The following LARP1 variants were observed in gnomAD, a reference collection of about 807,000 sequenced individuals.
The protein encoded by LARP1 is la-related protein 1.
In LARP1, 36 loss-of-function variants were observed where a neutral mutation model predicts 122.7. The ratio of observed to expected loss-of-function variants is 0.29; its 90% CI spans 0.22 to 0.39. LARP1 has a LOEUF of 0.39. LARP1 is among the 10% of genes least tolerant of loss of function. The pLI, the probability that LARP1 is intolerant of heterozygous loss-of-function variation, is 1.00. For missense variants in LARP1, 1,040 were observed against 1,403.6 expected (o/e 0.74, Z 4.14); for synonymous variants, 539 against 528.7 (o/e 1.02, Z -0.27).
At chr5:154,784,444 A>G (rs527954665) in intron 1 of LARP1, among the ~76,000 whole-genome samples, 1 of 152,314 alleles carries the variant, frequency 6.6e-6, no homozygotes, top group East Asian at 1.9e-4. Context: ...AACCCAACAG[A>G]TTACCTTGTT....
intron 1 of LARP1, among the ~76,000 whole-genome samples, chr5:154,728,096 G>A (rs1756338092): frequency 6.6e-6 from 1 of 152,134 alleles, no homozygotes. Context: ...TAAATCTTGT[G>A]TGAGCATAGG....
upstream of LARP1, chr5:154,712,826 A>G (rs1755282698): frequency 9.3e-7 from 1 of 1,073,680 alleles, no homozygotes; most frequent in African/African-American, 1.6e-5. Flanking sequence ...TAGCCTGGCA[A>G]CCTGGAGAGC....
intron 1 of LARP1, among the ~76,000 whole-genome samples, chr5:154,716,039 C>A (rs1179856223): frequency 6.6e-6 from 1 of 152,116 alleles, no homozygotes; most frequent in African/African-American, 2.4e-5. Context: ...GGGGCCCTTA[C>A]CCCTTCCACC....
chr5:154,732,122 T>C (rs539474349), intron 1 of LARP1, among the ~76,000 whole-genome samples: 116 of 146,554 alleles, frequency 7.9e-4, no homozygotes, highest in African/African-American at 2.8e-3. Context: ...GCCGAGATGG[T>C]GCCACTGCAC....
chr5:154,737,502 T>C (rs112095034), intron 1 of LARP1, among the ~76,000 whole-genome samples: 18,809 of 136,280 alleles, frequency 0.14, 1,487 homozygotes, highest in African/African-American at 0.24. Flanking sequence ...AGTGCAGCGG[T>C]GAGATCTCAG....
chr5:154,696,246 A>G (rs186439216), intron 1 of LARP1, among the ~76,000 whole-genome samples: 2 of 152,208 alleles, frequency 1.3e-5, no homozygotes, highest in Non-Finnish European at 2.9e-5. Context: ...AGTCCCAGCT[A>G]CTTGGGAGGC....
chr5:154,763,354 G>C (rs1385788929), intron 1 of LARP1, among the ~76,000 whole-genome samples: 2 of 151,776 alleles, frequency 1.3e-5, no homozygotes, highest in Non-Finnish European at 2.9e-5. Context: ...TAGCCACCGC[G>C]CCTGGCCCAG....
chr5:154,752,531 C>G (rs1753555829), upstream of LARP1, among the ~76,000 whole-genome samples: 1 of 152,174 alleles, frequency 6.6e-6, no homozygotes, highest in Admixed American at 6.5e-5. Flanking sequence ...GTTTGAGCCA[C>G]TGTGCCCGGC....
At chr5:154,739,113 T>C (rs1175908056) in intron 1 of LARP1, among the ~76,000 whole-genome samples, 1 of 152,118 alleles carries the variant, frequency 6.6e-6, no homozygotes, top group Non-Finnish European at 1.5e-5. Flanking sequence ...CCTCCCGGGT[T>C]CAAGCAATTC....
intron 18 of LARP1, 88 bp downstream of exon 18, chr5:154,811,728 C>A (rs1759293762): frequency 6.5e-7 from 1 of 1,529,362 alleles, no homozygotes; most frequent in African/African-American, 1.4e-5. Context: ...TCCAGCTGTG[C>A]CCCTAGCCCA....
intron 1 of LARP1, among the ~76,000 whole-genome samples, chr5:154,688,272 A>G (rs1754028929): frequency 6.6e-6 from 1 of 152,044 alleles, no homozygotes; most frequent in Non-Finnish European, 1.5e-5. Context: ...CCCTGAATAT[A>G]GTTTATTTTT....
intron 1 of LARP1, among the ~76,000 whole-genome samples, chr5:154,688,108 T>G (rs566079756): frequency 1.3e-5 from 2 of 152,234 alleles, no homozygotes; most frequent in African/African-American, 4.8e-5. Flanking sequence ...CTTTGATGCT[T>G]CGGGTCTGGG....
chr5:154,712,281 A>G (rs972265709), upstream of LARP1, among the ~76,000 whole-genome samples: 1 of 152,218 alleles, frequency 6.6e-6, no homozygotes, highest in African/African-American at 2.4e-5. Context: ...ATACCATGCT[A>G]CAGATGTGGA....
At position 154,755,930 on chromosome 5, in the gene LARP1, C is replaced by T. The variant is rs763215039; in HGVS notation, c.173C>T (p.Pro58Leu). The T allele has an allele frequency of 3.9e-4, 390 of 1,000,370 alleles. No homozygotes were observed. The highest frequency in any genetic ancestry group is 4.4e-4 in the Non-Finnish European group (369 of 839,862). The allele number at this position is 1,000,370 out of a possible 1,614,324, so 62.0% of individuals were successfully genotyped here. Reference protein sequence around the residue: ...EPDGSARRPRPPCAKPHKEGT... With the variant: ...EPDGSARRPRLPCAKPHKEGT... ...GACGGCAGCGCTCGGAGACCCCGGC[C>T]GCCCTGCGCCAAGCCGCACAAGGAG... The change falls in exon 1 of 19, where the codon CCG (proline) becomes CTG (leucine). Residue 58 changes from proline to leucine, a missense_variant. Coordinates refer to ENST00000518297, the MANE Select transcript of LARP1 (RefSeq NM_033551.3).
intron 1 of LARP1, among the ~76,000 whole-genome samples, chr5:154,763,059 T>C (rs1457695529): frequency 6.6e-6 from 1 of 151,592 alleles, no homozygotes; most frequent in Non-Finnish European, 1.5e-5. Flanking sequence ...AGATGCTTTT[T>C]TTTTTTTTTT....
chr5:154,755,867 G>C lies in LARP1; in HGVS notation c.110G>C (p.Gly37Ala). The C allele has an allele frequency of 6.9e-6, 7 of 1,013,820 alleles. No individual in the cohort carries two copies. Among genetic ancestry groups the C allele is most frequent in the Non-Finnish European group, 8.3e-6 (7 of 846,436 alleles). The allele number at this position is 1,013,820 out of a possible 1,614,324, so 62.8% of individuals were successfully genotyped here. The change falls in exon 1 of 19, where the codon GGC becomes GCC. Residue 37 changes from glycine to alanine, a missense_variant. Physicochemically the swap from Gly to Ala is moderately conservative, Grantham distance 60. Coordinates refer to ENST00000518297, the MANE Select transcript of LARP1 (RefSeq NM_033551.3). ...CCGCCGCCGGCGCCCGAGGGCAAGG[G>C]CGAGCCCGGGCCAAACGACGTCCGC... The part of the protein sequence containing the change: ...KKPPPAPEGK[G>A]EPGPNDVRGG...
intron 1 of LARP1, chr5:154,756,542 T>A: frequency 6.1e-6 from 6 of 978,516 alleles, no homozygotes; most frequent in Non-Finnish European, 7.3e-6. Flanking sequence ...GGTTTCTGGT[T>A]TGAACCTTCC....
At chr5:154,690,186 C>T (rs952090719) in intron 1 of LARP1, among the ~76,000 whole-genome samples, 1 of 152,050 alleles carries the variant, frequency 6.6e-6, no homozygotes, top group African/African-American at 2.4e-5. Context: ...CACAAGCCTG[C>T]TGCCCCTACC....
intron 3 of LARP1, chr5:154,792,098 A>G (rs900466266): frequency 4.9e-6 from 2 of 407,246 alleles, no homozygotes; most frequent in Non-Finnish European, 1.0e-5. Context: ...CATTAGGCCA[A>G]GCACCGACCT....
Sources: allele counts gnomAD v4.1 joint callset (sites outside exome capture counted in the v4.1 genomes callset), GRCh38; gene constraint gnomAD v4.1.1; transcripts MANE v1.5; gene names NCBI Gene and HGNC (gene_info 2026-07-23, HGNC 2026-07-21).